The following ROBO2 variants were observed in gnomAD, a reference collection of about 807,000 sequenced individuals.
The protein encoded by ROBO2 is roundabout homolog 2.
ROBO2 carries 53 observed loss-of-function variants against 160.8 expected under a neutral mutation model. The ratio of observed to expected loss-of-function variants is 0.33; its 90% CI spans 0.26 to 0.41. The LOEUF (loss-of-function observed/expected upper bound fraction) is 0.41. Ranked by LOEUF, ROBO2 falls within the 10% of genes least tolerant of loss-of-function variation. ROBO2 has a pLI of 1.00. For synonymous variants in ROBO2, 664 were observed against 611.7 expected (o/e 1.09, Z -1.26); for missense variants, 1,577 against 1,722.4 (o/e 0.92, Z 1.49).
At chr3:77,103,416 T>TC (rs1416957778) in intron 2 of ROBO2, among the ~76,000 whole-genome samples, 1 of 151,408 alleles carries the variant, frequency 6.6e-6, no homozygotes, top group Non-Finnish European at 1.5e-5. Context: ...TCTTTTTTTT[T>TC]TTTTCTTTTT....
intron 2 of ROBO2, among the ~76,000 whole-genome samples, chr3:76,925,526 C>T (rs1374926107): frequency 1.3e-5 from 2 of 152,122 alleles, no homozygotes; most frequent in Non-Finnish European, 2.9e-5. Context: ...AATTAGCTCA[C>T]ATGTATTTCT....
chr3:75,911,604 C>CTGGAG (rs1228114835), intron 1 of ROBO2, among the ~76,000 whole-genome samples: 7 of 129,654 alleles, frequency 5.4e-5, no homozygotes, highest in African/African-American at 2.2e-4. Flanking sequence ...GTCGCCCAGG[C>CTGGAG]TGGAGTGCAG....
chr3:76,009,084 A>G (rs544512723), intron 2 of ROBO2, among the ~76,000 whole-genome samples: 1 of 152,042 alleles, frequency 6.6e-6, no homozygotes, highest in Admixed American at 6.5e-5. Flanking sequence ...AACATACTTC[A>G]CAGGAAGATC....
At chr3:76,976,318 C>T (rs889870867) in intron 2 of ROBO2, among the ~76,000 whole-genome samples, 1 of 152,150 alleles carries the variant, frequency 6.6e-6, no homozygotes, top group African/African-American at 2.4e-5. Flanking sequence ...ATTTTTAACT[C>T]TATGAAATAA....
At chr3:77,624,235 T>C (rs1050087913) in intron 23 of ROBO2, among the ~76,000 whole-genome samples, 6 of 152,154 alleles carry the variant, frequency 3.9e-5, no homozygotes, top group African/African-American at 1.4e-4. Flanking sequence ...ACTTTTTTTT[T>C]CCTTTCTCTT....
chr3:77,644,621 C>A, intron 24 of ROBO2, 83 bp from the exon 27 acceptor site: 1 of 1,189,104 alleles, frequency 8.4e-7, no homozygotes, highest in Non-Finnish European at 1.2e-6. Context: ...GTAGGCCATT[C>A]ACAGTGTTAT....
chr3:77,588,380 A>G lies in ROBO2; in HGVS notation c.2501-371A>G, dbSNP rs187363107. On this transcript the variant is annotated intron_variant, in intron 16 of 25. Transcript: ENST00000461745. ...AGCAATTTGCAAATACCCCATGTTA[A>G]AAGTTGTAATTGCTTTCTTAAAAAT... 5.3e-5 allele frequency among the ~76,000 whole-genome samples: 8 copies of G among 152,246 alleles called. No individual in the cohort carries two copies. The East Asian group carries it at 1.5e-3, about 29-fold the overall frequency.
At chr3:77,109,705 G>T (rs954422586) in intron 2 of ROBO2, among the ~76,000 whole-genome samples, 3 of 152,200 alleles carry the variant, frequency 2.0e-5, no homozygotes, top group Non-Finnish European at 4.4e-5. Context: ...TAAAATTTGG[G>T]TACTATTATT....
intron 2 of ROBO2, among the ~76,000 whole-genome samples, chr3:76,440,565 CAAGT>C (rs1169998048): frequency 6.6e-6 from 1 of 152,098 alleles, no homozygotes; most frequent in Non-Finnish European, 1.5e-5. Context: ...TAATTGAAGG[CAAGT>C]AAAATACAAT....
chr3:76,589,613 A>G (rs909297459), intron 2 of ROBO2, among the ~76,000 whole-genome samples: 2 of 152,230 alleles, frequency 1.3e-5, no homozygotes, highest in African/African-American at 4.8e-5. Flanking sequence ...AGAGTCTGAT[A>G]TTAAAATGAA....
intron 2 of ROBO2, among the ~76,000 whole-genome samples, chr3:76,292,285 G>T (rs1708842830): frequency 1.3e-5 from 2 of 152,162 alleles, no homozygotes; most frequent in African/African-American, 4.8e-5. Context: ...AGATGATGTT[G>T]TTAGCACCAC....
intron 2 of ROBO2, among the ~76,000 whole-genome samples, chr3:76,829,242 C>A (rs1441189643): frequency 6.6e-6 from 1 of 152,162 alleles, no homozygotes; most frequent in Non-Finnish European, 1.5e-5. Context: ...TTTCCCTCAA[C>A]CTAGTCTTAA....
intron 2 of ROBO2, among the ~76,000 whole-genome samples, chr3:76,368,440 C>G (rs2075943445): frequency 1.3e-5 from 2 of 151,866 alleles, no homozygotes; most frequent in South Asian, 4.2e-4. Context: ...TGTTGTTCAG[C>G]AGCCTCAAGA....
chr3:76,584,245 A>T (rs1479201525), intron 2 of ROBO2, among the ~76,000 whole-genome samples: 2 of 152,084 alleles, frequency 1.3e-5, no homozygotes, highest in African/African-American at 4.8e-5. Flanking sequence ...ATGCCTTATA[A>T]TCTCACTGCA....
intron 2 of ROBO2, among the ~76,000 whole-genome samples, chr3:76,720,431 G>C (rs2093447197): frequency 6.6e-6 from 1 of 152,162 alleles, no homozygotes; most frequent in Non-Finnish European, 1.5e-5. Flanking sequence ...TTCAGAAAAA[G>C]TCTGGAAGCC....
intron 6 of ROBO2, among the ~76,000 whole-genome samples, chr3:77,531,154 G>A (rs553200691): frequency 6.6e-6 from 1 of 152,058 alleles, no homozygotes; most frequent in African/African-American, 2.4e-5. Flanking sequence ...ACTGAAAGCT[G>A]AGTACTTCAC....
chr3:77,215,269 T>C (rs905611058), intron 2 of ROBO2, among the ~76,000 whole-genome samples: 3 of 152,168 alleles, frequency 2.0e-5, no homozygotes, highest in Admixed American at 1.3e-4. Flanking sequence ...CTTGGAGGCT[T>C]TGTTCATTTC....
At chr3:77,507,375 C>T (rs2088704481) in intron 5 of ROBO2, among the ~76,000 whole-genome samples, 1 of 152,170 alleles carries the variant, frequency 6.6e-6, no homozygotes, top group Admixed American at 6.6e-5. Flanking sequence ...ATTTTTCCAA[C>T]AAAGACAGCA....
intron 2 of ROBO2, among the ~76,000 whole-genome samples, chr3:77,283,478 A>C (rs560202340): frequency 1.8e-4 from 27 of 152,352 alleles, no homozygotes; most frequent in Admixed American, 1.0e-3. Context: ...TTTCTTATTA[A>C]AACTTCTAAA....
Sources: allele counts gnomAD v4.1 joint callset (sites outside exome capture counted in the v4.1 genomes callset), GRCh38; gene constraint gnomAD v4.1.1; transcripts MANE v1.5; gene names NCBI Gene and HGNC (gene_info 2026-07-23, HGNC 2026-07-21).